The following SLC14A2 variants were observed in gnomAD, a reference collection of about 807,000 sequenced individuals.
The protein encoded by SLC14A2 is urea transporter 2.
Under a neutral mutation model 104.6 loss-of-function variants are expected in SLC14A2, and 91 were observed. The observed-to-expected ratio is 0.87, with a 90% CI of 0.73 to 1.04. The LOEUF (loss-of-function observed/expected upper bound fraction) is 1.04, where lower values mean the gene tolerates loss of function less well. Ranked by LOEUF, SLC14A2 falls within the 50% of genes least tolerant of loss-of-function variation. SLC14A2 has a pLI of 0.00. For missense variants in SLC14A2, 1,189 were observed against 1,156.0 expected (o/e 1.03, Z -0.41); for synonymous variants, 476 against 466.4 (o/e 1.02, Z -0.27).
chr18:45,570,285 C>T (rs770081879), intron 2 of SLC14A2, among the ~76,000 whole-genome samples: 28 of 152,190 alleles, frequency 1.8e-4, no homozygotes, highest in Middle Eastern at 3.4e-3. Flanking sequence ...ACATCTGATA[C>T]GTTCTTTAAG....
At chr18:45,255,914 G>T (rs775509617) in intron 1 of SLC14A2, among the ~76,000 whole-genome samples, 10 of 152,174 alleles carry the variant, frequency 6.6e-5, no homozygotes, top group Non-Finnish European at 1.5e-4. Flanking sequence ...GGATCCCAGA[G>T]AGCATAGAAA....
Position 45,275,946 on chromosome 18 carries a change from G to A in SLC14A2, c.-125+62755G>A, listed in dbSNP as rs965651279. ...CAGAGAATTAAAGAATAAAGGTGCT[G>A]TTTTTGACTATATGGTCAGGAAAAC... On this transcript the variant is annotated intron_variant, in intron 1 of 20. Coordinates refer to the SLC14A2 transcript ENST00000586448. 2.6e-5 allele frequency among the ~76,000 whole-genome samples: 4 copies of A among 152,342 alleles called. No individual in the cohort carries two copies. The East Asian group carries it at 7.7e-4, about 29-fold the overall frequency.
chr18:45,468,556 A>G (rs919365327), intron 1 of SLC14A2, among the ~76,000 whole-genome samples: 4 of 152,128 alleles, frequency 2.6e-5, no homozygotes, highest in Non-Finnish European at 5.9e-5. Context: ...TTAAGCCAAC[A>G]ATCCCTGCAT....
chr18:45,563,540 ACTGT>A (rs1243844621), intron 2 of SLC14A2, among the ~76,000 whole-genome samples: 10 of 152,232 alleles, frequency 6.6e-5, no homozygotes, highest in Non-Finnish European at 1.3e-4. Context: ...ATCTAAAATA[ACTGT>A]CTGACACATC....
intron 5 of SLC14A2, among the ~76,000 whole-genome samples, chr18:45,636,120 G>T (rs1242677642): frequency 2.0e-5 from 3 of 152,210 alleles, no homozygotes; most frequent in Admixed American, 6.5e-5. Flanking sequence ...TCAGCAAGTC[G>T]GAGAGTTAAC....
chr18:45,477,831 C>A (rs2087413601), intron 1 of SLC14A2, among the ~76,000 whole-genome samples: 1 of 152,178 alleles, frequency 6.6e-6, no homozygotes, highest in African/African-American at 2.4e-5. Flanking sequence ...GATGCCCTTA[C>A]CCCAACCAAC....
At chr18:45,357,844 G>T (rs1197550604) in intron 1 of SLC14A2, among the ~76,000 whole-genome samples, 5 of 152,146 alleles carry the variant, frequency 3.3e-5, no homozygotes, top group Non-Finnish European at 7.3e-5. Flanking sequence ...CTTCCAGAAA[G>T]CCCCCAGCTC....
In SLC14A2 at chr18:45,649,339, C is replaced by T. The variant is rs570798066; in HGVS notation, c.1351+5179C>T. Among the ~76,000 whole-genome samples the T allele has an allele frequency of 7.2e-5, 11 of 152,302 alleles. No individual in the cohort carries two copies. In the East Asian group the frequency reaches 2.1e-3, roughly 29 times the overall value. The stretch of plus-strand genomic sequence containing the variant: ...TTCACTATTCTCCTCCCCAGCGCCC[C>T]AGTACCTAAAATGCTTTTACTTCTC... On this transcript the variant is annotated intron_variant, in intron 10 of 19. Coordinates refer to ENST00000255226, the MANE Select transcript of SLC14A2 (RefSeq NM_007163.4).
chr18:45,439,641 A>G (rs904828987), intron 1 of SLC14A2, among the ~76,000 whole-genome samples: 1 of 152,192 alleles, frequency 6.6e-6, no homozygotes, highest in Admixed American at 6.5e-5. Flanking sequence ...CTAAATAATT[A>G]TACACTGGTC....
intron 1 of SLC14A2, among the ~76,000 whole-genome samples, chr18:45,349,656 A>G (rs886080139): frequency 1.3e-5 from 2 of 152,204 alleles, no homozygotes; most frequent in East Asian, 3.8e-4. Flanking sequence ...AGATTGCACA[A>G]ACATAACCCA....
At chr18:45,436,622 C>T (rs1454048312) in intron 1 of SLC14A2, 3 of 152,134 alleles carry the variant, frequency 2.0e-5, no homozygotes, top group Non-Finnish European at 4.4e-5. Context: ...TGATTCAAAC[C>T]TCTTACAGCA....
At chr18:45,480,962 A>C (rs2087481020) in intron 1 of SLC14A2, among the ~76,000 whole-genome samples, 1 of 152,142 alleles carries the variant, frequency 6.6e-6, no homozygotes, top group African/African-American at 2.4e-5. Context: ...CTCACTAAGA[A>C]AATGAAGCAG....
At chr18:45,465,783 C>G (rs2087130379) in intron 1 of SLC14A2, among the ~76,000 whole-genome samples, 1 of 152,094 alleles carries the variant, frequency 6.6e-6, no homozygotes, top group African/African-American at 2.4e-5. Context: ...AACTGCCTGG[C>G]TGGCTGAGAG....
chr18:45,499,557 C>A (rs1212008133), intron 2 of SLC14A2, among the ~76,000 whole-genome samples: 1 of 152,224 alleles, frequency 6.6e-6, no homozygotes, highest in African/African-American at 2.4e-5. Context: ...ATAATTTCTT[C>A]TTTGCCTTGC....
At chr18:45,663,726 G>A in intron 10 of SLC14A2, 59 bp from the exon 11 acceptor site, 1 of 1,570,100 alleles carries the variant, frequency 6.4e-7, no homozygotes, top group Non-Finnish European at 8.6e-7. Context: ...CTCTCTGCTT[G>A]GCTCTCTCAG....
upstream of SLC14A2, among the ~76,000 whole-genome samples, chr18:45,612,022 T>C (rs1188302958): frequency 6.6e-6 from 1 of 152,246 alleles, no homozygotes; most frequent in Non-Finnish European, 1.5e-5. Context: ...GTGTACAAGA[T>C]GCTATACTTC....
chr18:45,612,193 C>A (rs779225678), upstream of SLC14A2, among the ~76,000 whole-genome samples: 6 of 152,190 alleles, frequency 3.9e-5, no homozygotes, highest in Non-Finnish European at 5.9e-5. Flanking sequence ...GGTGTTTACT[C>A]AGAGATCTTC....
rs796461013 is a variant in SLC14A2 at position 45,627,096 on chromosome 18, G to T, written c.470G>T (p.Gly157Val). 2 of 1,614,060 alleles carry T rather than the reference G, an allele frequency of 1.2e-6. No individual in the cohort carries two copies. Among genetic ancestry groups the T allele is most frequent in the Non-Finnish European group, 1.7e-6 (2 of 1,179,988 alleles). Reference sequence around the variant, plus strand: ...AATCCCTGGTGGACAATCACTGGGGGCCTGGGGACAGTGGTCTCGACCTTA... The same window carrying T: ...AATCCCTGGTGGACAATCACTGGGGTCCTGGGGACAGTGGTCTCGACCTTA... Reference protein sequence around the residue: ...IQNPWWTITGGLGTVVSTLTA... With the variant: ...IQNPWWTITGVLGTVVSTLTA... The change falls in exon 4 of 20, where the codon GGC becomes GTC. Residue 157 changes from glycine to valine, a missense_variant. Coordinates refer to ENST00000255226, the MANE Select transcript of SLC14A2 (RefSeq NM_007163.4).
chr18:45,186,569 C>T, the SLC14A2 span, among the ~76,000 whole-genome samples: 3 of 152,154 alleles, frequency 2.0e-5, no homozygotes, highest in Non-Finnish European at 4.4e-5. Context: ...CATTTCCTTC[C>T]TTACAAGAAT....
Sources: allele counts gnomAD v4.1 joint callset (sites outside exome capture counted in the v4.1 genomes callset), GRCh38; gene constraint gnomAD v4.1.1; transcripts MANE v1.5; gene names NCBI Gene and HGNC (gene_info 2026-07-23, HGNC 2026-07-21).